PTK2: variants seen among roughly 807,000 people sequenced by gnomAD.
PTK2 encodes the protein protein tyrosine kinase 2.
PTK2 carries 45 observed loss-of-function variants against 150.1 expected under a neutral mutation model. The observed-to-expected ratio is 0.30, with a 90% CI of 0.24 to 0.38. The LOEUF is 0.38. PTK2 is among the 10% of genes least tolerant of loss of function. PTK2 has a pLI of 1.00. For synonymous variants in PTK2, 432 were observed against 449.2 expected, an observed-to-expected ratio of 0.96 and a Z score of 0.48; for missense variants, 919 against 1,307.3, an observed-to-expected ratio of 0.70 and a Z score of 4.58.
chr8:140,971,967 T>G (rs1348932585), intron 1 of PTK2, among the ~76,000 whole-genome samples: 1 of 152,222 alleles, frequency 6.6e-6, no homozygotes, highest in Non-Finnish European at 1.5e-5. Context: ...AAGGAGAATC[T>G]AATAGAATTC....
rs1191249875 is a variant in PTK2, at chr8:141,000,116, C to CACACAA, written c.-122+1008_-122+1009insTTGTGT. On this transcript the variant is annotated intron_variant, in intron 1 of 31. Transcript: ENST00000522684. ...ACACACACACACACACACACACACA[C>CACACAA]ACACACACACCCCTTCTTCTAAGAA... Among the ~76,000 whole-genome samples, 3 of 150,092 alleles carry CACACAA rather than the reference C, an allele frequency of 2.0e-5. No homozygotes were observed. The East Asian group carries it at 5.9e-4, about 29-fold the overall frequency.
At chr8:140,862,960 C>T (rs976301906) in intron 5 of PTK2, among the ~76,000 whole-genome samples, 1 of 152,192 alleles carries the variant, frequency 6.6e-6, no homozygotes, top group Non-Finnish European at 1.5e-5. Flanking sequence ...GTGACTACTT[C>T]TTCACAGACA....
chr8:140,704,236 C>T (rs1373169304), intron 24 of PTK2, among the ~76,000 whole-genome samples: 2 of 152,086 alleles, frequency 1.3e-5, no homozygotes, highest in Non-Finnish European at 2.9e-5. Context: ...TCACTTTAGG[C>T]TAAAAATGAA....
At chr8:140,674,489 C>T in intron 28 of PTK2, 85 bp from the exon 32 acceptor site, 1 of 1,268,302 alleles carries the variant, frequency 7.9e-7, no homozygotes, top group Non-Finnish European at 1.1e-6. Context: ...CCTATAATCT[C>T]AGCACTTTGG....
chr8:140,978,948 T>A (rs1048972517), intron 1 of PTK2, among the ~76,000 whole-genome samples: 9 of 151,938 alleles, frequency 5.9e-5, no homozygotes, highest in African/African-American at 2.2e-4. Context: ...GATGAGTTCA[T>A]GTCCTTTGTA....
intron 5 of PTK2, among the ~76,000 whole-genome samples, chr8:140,858,254 G>A (rs1183500286): frequency 1.3e-5 from 2 of 151,852 alleles, no homozygotes; most frequent in African/African-American, 4.8e-5. Flanking sequence ...TAACACATAT[G>A]GAGAGACTGA....
intron 14 of PTK2, among the ~76,000 whole-genome samples, chr8:140,768,646 C>T (rs2100073793): frequency 6.6e-6 from 1 of 152,186 alleles, no homozygotes; most frequent in Non-Finnish European, 1.5e-5. Context: ...GAGGACAATA[C>T]CCAGTGATAT....
chr8:140,664,231 C>T (rs1194000712), intron 31 of PTK2, among the ~76,000 whole-genome samples: 1 of 152,210 alleles, frequency 6.6e-6, no homozygotes, highest in Non-Finnish European at 1.5e-5. Flanking sequence ...ATCTGTCCGC[C>T]TCAGCCTCCC....
chr8:140,931,019 C>T (rs1489975102), intron 1 of PTK2, among the ~76,000 whole-genome samples: 2 of 146,598 alleles, frequency 1.4e-5, no homozygotes, highest in East Asian at 4.1e-4. Flanking sequence ...TGCAGTAAGC[C>T]GAGATCACAC....
chr8:140,967,878 A>G (rs2100185872), intron 1 of PTK2, among the ~76,000 whole-genome samples: 1 of 152,214 alleles, frequency 6.6e-6, no homozygotes, highest in Non-Finnish European at 1.5e-5. Context: ...GTCTATCAAT[A>G]GTTCCTGCAC....
intron 5 of PTK2, among the ~76,000 whole-genome samples, chr8:140,859,659 T>C (rs971400262): frequency 1.3e-5 from 2 of 152,164 alleles, no homozygotes; most frequent in Non-Finnish European, 2.9e-5. Flanking sequence ...TCACACACAA[T>C]ACTTACGTAA....
At chr8:140,966,803 G>C (rs1040707232) in intron 1 of PTK2, among the ~76,000 whole-genome samples, 2 of 152,124 alleles carry the variant, frequency 1.3e-5, no homozygotes, top group African/African-American at 4.8e-5. Flanking sequence ...TTTAAGATAG[G>C]TATAAATAGA....
At chr8:140,751,959 C>T (rs1199732968) in intron 17 of PTK2, 4 of 599,060 alleles carry the variant, frequency 6.7e-6, no homozygotes, top group Non-Finnish European at 1.3e-5. Context: ...TATATCTGCA[C>T]CAATTCCAGT....
intron 5 of PTK2, among the ~76,000 whole-genome samples, chr8:140,859,051 T>A (rs1332541979): frequency 1.3e-5 from 2 of 152,308 alleles, no homozygotes; most frequent in African/African-American, 2.4e-5. Flanking sequence ...ATTATTTTTT[T>A]AAAATCTTCT....
chr8:140,937,247 A>G (rs1391534420), intron 1 of PTK2, among the ~76,000 whole-genome samples: 1 of 152,172 alleles, frequency 6.6e-6, no homozygotes, highest in East Asian at 1.9e-4. Flanking sequence ...AAAGAATTTA[A>G]ATTTTCTTTT....
chr8:140,847,966 A>G (rs1230424412), intron 5 of PTK2, among the ~76,000 whole-genome samples: 1 of 152,086 alleles, frequency 6.6e-6, no homozygotes, highest in African/African-American at 2.4e-5. Context: ...CCTGTCTCCC[A>G]TTATCCCTCT....
intron 8 of PTK2, among the ~76,000 whole-genome samples, chr8:140,827,486 C>T (rs988808160): frequency 3.9e-5 from 6 of 152,050 alleles, no homozygotes; most frequent in African/African-American, 1.4e-4. Context: ...TAAACGATAG[C>T]CTGGAAACAT....
intron 17 of PTK2, chr8:140,750,491 A>C (rs1370729530): frequency 6.6e-6 from 1 of 152,238 alleles, no homozygotes; most frequent in Non-Finnish European, 1.5e-5. Context: ...AAGAAAAAGA[A>C]CTAGTCTTGT....
At chr8:140,970,964 T>C (rs1024640969) in intron 1 of PTK2, among the ~76,000 whole-genome samples, 3 of 151,762 alleles carry the variant, frequency 2.0e-5, no homozygotes, top group African/African-American at 7.3e-5. Context: ...CTCAAAGAGT[T>C]GAGGATACTG....
Sources: allele counts gnomAD v4.1 joint callset (sites outside exome capture counted in the v4.1 genomes callset), GRCh38; gene constraint gnomAD v4.1.1; transcripts MANE v1.5; gene names NCBI Gene and HGNC (gene_info 2026-07-23, HGNC 2026-07-21).